MAN1A1: variants seen among roughly 807,000 people sequenced by gnomAD.
MAN1A1 encodes mannosidase alpha class 1A member 1, also known as mannosyl-oligosaccharide 1,2-alpha-mannosidase IA.
MAN1A1 carries 29 observed loss-of-function variants against 70.8 expected under a neutral mutation model. The ratio of observed to expected loss-of-function variants is 0.41; its 90% CI spans 0.31 to 0.56. MAN1A1 has a LOEUF of 0.56. Ranked by LOEUF, MAN1A1 falls within the 20% of genes least tolerant of loss-of-function variation. The pLI, the probability that MAN1A1 is intolerant of heterozygous loss-of-function variation, is 0.29. For synonymous variants in MAN1A1, 349 were observed against 330.1 expected, an observed-to-expected ratio of 1.06 and a Z score of -0.62; for missense variants, 747 against 841.3, an observed-to-expected ratio of 0.89 and a Z score of 1.39.
At chr6:119,225,837 A>G (rs1266417489) in intron 6 of MAN1A1, among the ~76,000 whole-genome samples, 3 of 152,242 alleles carry the variant, frequency 2.0e-5, no homozygotes, top group South Asian at 2.1e-4. Flanking sequence ...AGTGAAAGGG[A>G]AGTATTTTTG....
intron 6 of MAN1A1, among the ~76,000 whole-genome samples, chr6:119,224,739 T>C (rs974658698): frequency 6.6e-6 from 1 of 152,098 alleles, no homozygotes; most frequent in African/African-American, 2.4e-5. Context: ...AGCAATGACT[T>C]CAAAGCAACT....
intron 6 of MAN1A1, among the ~76,000 whole-genome samples, chr6:119,232,453 A>T (rs1290042270): frequency 3.3e-5 from 5 of 151,820 alleles, no homozygotes; most frequent in Admixed American, 2.6e-4. Flanking sequence ...GATAGCCTAC[A>T]ATGCCAATGA....
At chr6:119,303,189 T>A (rs939558840) in intron 3 of MAN1A1, among the ~76,000 whole-genome samples, 12 of 152,226 alleles carry the variant, frequency 7.9e-5, no homozygotes, top group East Asian at 1.9e-4. Context: ...TGGCTAATTT[T>A]AAAATTTTTT....
At chr6:119,317,472 C>T (rs758069959) in intron 2 of MAN1A1, among the ~76,000 whole-genome samples, 25 of 152,138 alleles carry the variant, frequency 1.6e-4, no homozygotes, top group Non-Finnish European at 2.9e-4. Flanking sequence ...TCACAAAATA[C>T]GTAGCCTTTT....
intron 2 of MAN1A1, among the ~76,000 whole-genome samples, chr6:119,310,307 C>T (rs979154205): frequency 6.6e-6 from 1 of 152,150 alleles, no homozygotes; most frequent in Non-Finnish European, 1.5e-5. Flanking sequence ...TTAGACACAT[C>T]AAAAGTCTTT....
chr6:119,320,101 G>T (rs1349961107), intron 2 of MAN1A1, among the ~76,000 whole-genome samples: 1 of 152,098 alleles, frequency 6.6e-6, no homozygotes, highest in Non-Finnish European at 1.5e-5. Context: ...AGCCTCCCAA[G>T]TGGCTGGGAC....
At chr6:119,319,006 T>C (rs1047665370) in intron 2 of MAN1A1, among the ~76,000 whole-genome samples, 14 of 152,244 alleles carry the variant, frequency 9.2e-5, no homozygotes, top group African/African-American at 3.4e-4. Context: ...AATGGCAATA[T>C]CAGATTTCTC....
intron 6 of MAN1A1, 47 bp from the exon 7 acceptor site, chr6:119,204,929 T>C: frequency 6.3e-7 from 1 of 1,593,560 alleles, no homozygotes. Context: ...ATTAACTCCG[T>C]TTTTCACTAT....
chr6:119,236,133 T>TA (rs367861780), intron 6 of MAN1A1, among the ~76,000 whole-genome samples: 110,318 of 136,916 alleles, frequency 0.81, 44,465 homozygotes, highest in Non-Finnish European at 0.84. Context: ...AGACTCCGTC[T>TA]AAAAAAAAAA....
intron 5 of MAN1A1, among the ~76,000 whole-genome samples, chr6:119,267,532 GAC>G (rs775045562): frequency 3.1e-4 from 47 of 152,122 alleles, no homozygotes; most frequent in African/African-American, 6.3e-4. Context: ...TAATTAAAAA[GAC>G]ACACACAGAT....
rs866334892 is a variant in MAN1A1, at chr6:119,189,978, C to T, written c.1327-95G>A. 1.5e-5 allele frequency: 14 copies of T among 937,472 alleles called. No individual in the cohort carries two copies. In the African/African-American group the frequency reaches 1.8e-4, roughly 12 times the overall value. The allele number at this position is 937,472 out of a possible 1,614,324, so 58.1% of individuals were successfully genotyped here. A position where few individuals can be genotyped will look rare whatever the true frequency, so the allele number is the denominator to read the frequency against. ...ATTAAAAAAAAAAGAATAGAATACACCTGACAATCAGAGTTTGGTGTTAAA... is the reference window on the plus strand; with the variant it reads ...ATTAAAAAAAAAAGAATAGAATACATCTGACAATCAGAGTTTGGTGTTAAA... On this transcript the variant is annotated intron_variant, in intron 9 of 12. Transcript: ENST00000368468.
chr6:119,250,675 T>TGTGTGTGC (rs1554208620), intron 5 of MAN1A1, among the ~76,000 whole-genome samples: 1 of 148,770 alleles, frequency 6.7e-6, no homozygotes, highest in African/African-American at 2.5e-5. Flanking sequence ...TGTGTGTGTG[T>TGTGTGTGC]GCGTGTCAGT....
intron 6 of MAN1A1, among the ~76,000 whole-genome samples, chr6:119,215,125 A>T (rs1013667148): frequency 1.3e-5 from 2 of 152,130 alleles, no homozygotes; most frequent in Non-Finnish European, 1.5e-5. Context: ...GGTGCAGCAC[A>T]CCAACATGGC....
In MAN1A1 at chr6:119,252,927, G is replaced by A. The variant is rs139819905; in HGVS notation, c.898-4573C>T. The stretch of plus-strand genomic sequence containing the variant: ...AAGCTGATCCTCTTACAACTACATC[G>A]GAAGTTGCCACAGAACTGGATGTTG... On this transcript the variant is annotated intron_variant, in intron 5 of 12. Coordinates refer to ENST00000368468, the MANE Select transcript of MAN1A1 (RefSeq NM_005907.4). Among the ~76,000 whole-genome samples, 22 of 152,138 alleles carry A rather than the reference G, an allele frequency of 1.4e-4. No homozygotes were observed. In the East Asian group the frequency reaches 4.1e-3, roughly 28 times the overall value.
intron 6 of MAN1A1, among the ~76,000 whole-genome samples, chr6:119,217,763 A>G (rs1400839122): frequency 2.0e-5 from 3 of 152,156 alleles, no homozygotes; most frequent in African/African-American, 7.2e-5. Context: ...CCCCATTGCA[A>G]TTCCTCCTGC....
chr6:119,330,664 T>G (rs1265006083), intron 2 of MAN1A1, among the ~76,000 whole-genome samples: 1 of 152,134 alleles, frequency 6.6e-6, no homozygotes, highest in Non-Finnish European at 1.5e-5. Context: ...AGACGCCTTC[T>G]CTGCTTCATT....
At chr6:119,229,309 T>A (rs561481134) in intron 6 of MAN1A1, among the ~76,000 whole-genome samples, 2 of 152,246 alleles carry the variant, frequency 1.3e-5, no homozygotes, top group East Asian at 3.9e-4. Context: ...GAAGCAGTGT[T>A]ATAATAAAGC....
chr6:119,237,497 T>C (rs1023121993), intron 6 of MAN1A1, among the ~76,000 whole-genome samples: 1 of 152,146 alleles, frequency 6.6e-6, no homozygotes, highest in Non-Finnish European at 1.5e-5. Flanking sequence ...CAGTCAGTAA[T>C]ACTTCCTCCT....
chr6:119,232,183 T>C (rs1237375443), intron 6 of MAN1A1, among the ~76,000 whole-genome samples: 1 of 151,826 alleles, frequency 6.6e-6, no homozygotes, highest in Non-Finnish European at 1.5e-5. Flanking sequence ...CCATCCTGGC[T>C]AACACAGTGA....
Sources: allele counts gnomAD v4.1 joint callset (sites outside exome capture counted in the v4.1 genomes callset), GRCh38; gene constraint gnomAD v4.1.1; transcripts MANE v1.5; gene names NCBI Gene and HGNC (gene_info 2026-07-23, HGNC 2026-07-21).